Variants in TLCD4 observed in about 807,000 individuals in gnomAD.
TLCD4 encodes the protein TLC domain containing 4.
TLCD4 carries 7 observed loss-of-function variants against 24.2 expected under a neutral mutation model. That is an observed-to-expected ratio of 0.29 (90% CI 0.16 to 0.54). TLCD4 has a LOEUF of 0.54. Among genes scored for constraint, TLCD4 ranks in the 20% least tolerant of loss-of-function variants. TLCD4 has a pLI of 0.95. For missense variants in TLCD4, 259 were observed against 313.9 expected, an observed-to-expected ratio of 0.82 and a Z score of 1.32; for synonymous variants, 103 against 106.4, an observed-to-expected ratio of 0.97 and a Z score of 0.20.
At chr1:95,103,919 A>G in the TLCD4 span, among the ~76,000 whole-genome samples, 2 of 152,338 alleles carry the variant, frequency 1.3e-5, no homozygotes, top group South Asian at 2.1e-4. Context: ...TGATACATTA[A>G]GAGGATGACT....
intron 1 of TLCD4, among the ~76,000 whole-genome samples, chr1:95,139,917 C>T (rs1342270893): frequency 2.0e-5 from 3 of 152,164 alleles, no homozygotes. Flanking sequence ...GACTCAGACA[C>T]ACACATTAGC....
intron 2 of TLCD4, among the ~76,000 whole-genome samples, chr1:95,144,689 ATTTG>A (rs1002060229): frequency 6.1e-4 from 92 of 150,526 alleles, no homozygotes; most frequent in African/African-American, 1.9e-3. Flanking sequence ...TTTTTATTTT[ATTTG>A]TTTATTTATT....
intron 5 of TLCD4, among the ~76,000 whole-genome samples, chr1:95,171,915 T>C (rs1400555054): frequency 6.6e-6 from 1 of 152,186 alleles, no homozygotes. Context: ...TATTAAAATA[T>C]GGTGGGCCCC....
intron 5 of TLCD4, among the ~76,000 whole-genome samples, chr1:95,153,936 G>C (rs899179990): frequency 2.6e-5 from 4 of 152,236 alleles, no homozygotes; most frequent in African/African-American, 9.6e-5. Flanking sequence ...GTAAAGAGAG[G>C]TAGGGGAGAC....
chr1:95,152,356 TG>T (rs909363588), intron 5 of TLCD4, among the ~76,000 whole-genome samples: 1 of 152,058 alleles, frequency 6.6e-6, no homozygotes, highest in African/African-American at 2.4e-5. Context: ...ATTATAATTT[TG>T]GGGGGGTAAA....
At position 95,125,001 on chromosome 1, in the gene TLCD4, TA is replaced by T. The variant is rs143651451; in HGVS notation, c.-12+7385del. On this transcript the variant is annotated intron_variant, in intron 1 of 6. Transcript: ENST00000370203. Reference sequence around the variant, plus strand: ...TTCAAGATTAAACTTGTTAATAGGTTATACAGTGTGAGAATGTCATCAGGGC... The same window carrying T: ...TTCAAGATTAAACTTGTTAATAGGTTTACAGTGTGAGAATGTCATCAGGGC... Among the ~76,000 whole-genome samples, 253 of 152,312 alleles carry T rather than the reference TA, an allele frequency of 1.7e-3. 2 individuals are homozygous for T. The highest frequency in any genetic ancestry group is 6.0e-3 in the African/African-American group (248 of 41,562).
intron 1 of TLCD4, among the ~76,000 whole-genome samples, chr1:95,137,545 G>T (rs1458544784): frequency 6.6e-6 from 1 of 152,154 alleles, no homozygotes; most frequent in Admixed American, 6.5e-5. Flanking sequence ...TGGGGGAAAT[G>T]AGTGAGTGAT....
At chr1:95,158,559 G>A (rs1377583265) in intron 5 of TLCD4, among the ~76,000 whole-genome samples, 1 of 151,748 alleles carries the variant, frequency 6.6e-6, no homozygotes, top group African/African-American at 2.4e-5. Context: ...TGCACAACAT[G>A]CAGGTTTGTT....
At chr1:95,163,151 G>A (rs1303647328) in intron 5 of TLCD4, 1 of 152,188 alleles carries the variant, frequency 6.6e-6, no homozygotes, top group Admixed American at 6.5e-5. Context: ...GTCAAACGTA[G>A]ATTTGGTCTC....
At chr1:95,151,083 G>T (rs1395521408) in intron 4 of TLCD4, among the ~76,000 whole-genome samples, 1 of 152,076 alleles carries the variant, frequency 6.6e-6, no homozygotes, top group African/African-American at 2.4e-5. Context: ...AGATTCTGAG[G>T]GTTTAAAGAT....
the TLCD4 span, among the ~76,000 whole-genome samples, chr1:95,109,560 T>C: frequency 6.6e-6 from 1 of 151,492 alleles, no homozygotes; most frequent in Non-Finnish European, 1.5e-5. Flanking sequence ...TGATCTCTGC[T>C]TACTGCAACC....
At chr1:95,174,632 C>G (rs1678358360) in intron 6 of TLCD4, among the ~76,000 whole-genome samples, 1 of 151,908 alleles carries the variant, frequency 6.6e-6, no homozygotes, top group South Asian at 2.1e-4. Flanking sequence ...AGCAGTGTGT[C>G]CAGTGAGCTG....
intron 1 of TLCD4, among the ~76,000 whole-genome samples, chr1:95,129,207 G>A (rs1449858282): frequency 1.3e-5 from 2 of 152,156 alleles, no homozygotes; most frequent in Non-Finnish European, 2.9e-5. Context: ...GTTTCAAGGA[G>A]GTGTCAGTTG....
chr1:95,162,632 G>A (rs925222733), intron 5 of TLCD4, among the ~76,000 whole-genome samples: 5 of 152,182 alleles, frequency 3.3e-5, no homozygotes, highest in Admixed American at 6.5e-5. Context: ...TTTTGCAGTG[G>A]TTAGTACTGG....
At chr1:95,158,832 A>G (rs946170486) in intron 5 of TLCD4, among the ~76,000 whole-genome samples, 3 of 152,186 alleles carry the variant, frequency 2.0e-5, no homozygotes, top group Non-Finnish European at 4.4e-5. Flanking sequence ...TACAGAGGAC[A>G]TGAACTCATT....
chr1:95,193,195 AG>A lies in TLCD4; in HGVS notation c.*1328del, dbSNP rs1292406384. ...TCACAATTCATACCCGTGCTTACTTAGTTGGCATTTTAGTGCTTTGAATTTC... is the reference window on the plus strand; with the variant it reads ...TCACAATTCATACCCGTGCTTACTTATTGGCATTTTAGTGCTTTGAATTTC... On this transcript the variant is annotated 3_prime_UTR_variant, in exon 7 of 7. Coordinates refer to ENST00000370203, the MANE Select transcript of TLCD4 (RefSeq NM_152487.3). The A allele has an allele frequency of 6.6e-6, 1 of 152,112 alleles. No homozygotes were observed. Among genetic ancestry groups the A allele is most frequent in the African/African-American group, 2.4e-5 (1 of 41,442 alleles). 9.4% of individuals were successfully genotyped at this position (152,112 alleles called of 1,614,324 possible).
At chr1:95,181,653 G>T (rs547003086) in intron 6 of TLCD4, among the ~76,000 whole-genome samples, 2 of 151,492 alleles carry the variant, frequency 1.3e-5, no homozygotes, top group South Asian at 4.2e-4. Context: ...CTGGAGTGCC[G>T]TGGTGCGATC....
chr1:95,100,300 T>A, the TLCD4 span, among the ~76,000 whole-genome samples: 1 of 151,624 alleles, frequency 6.6e-6, no homozygotes, highest in Non-Finnish European at 1.5e-5. Flanking sequence ...GCTGGCTGGG[T>A]GCGGTGGCTC....
At chr1:95,097,774 G>T in the TLCD4 span, among the ~76,000 whole-genome samples, 1 of 152,172 alleles carries the variant, frequency 6.6e-6, no homozygotes, top group South Asian at 2.1e-4. Flanking sequence ...TAGACACACC[G>T]TAGGGACACA....
Sources: gnomAD v4.1 joint callset for allele counts (sites outside exome capture counted in the v4.1 genomes callset) on GRCh38, gnomAD v4.1.1 for gene constraint, MANE v1.5 for transcripts, NCBI Gene and HGNC (gene_info 2026-07-23, HGNC 2026-07-21) for gene names.